Variants in HNRNPC observed in about 807,000 individuals in gnomAD.
HNRNPC encodes heterogeneous nuclear ribonucleoprotein C, also known as heterogeneous nuclear ribonucleoproteins C1/C2.
In HNRNPC, 3 loss-of-function variants were observed where a neutral mutation model predicts 33.2. That is an observed-to-expected ratio of 0.09 (90% confidence interval 0.04 to 0.23). The LOEUF (loss-of-function observed/expected upper bound fraction) is 0.23, where lower values mean the gene tolerates loss of function less well. Among genes scored for constraint, HNRNPC ranks in the 10% least tolerant of loss-of-function variants. HNRNPC has a pLI of 1.00. For synonymous variants in HNRNPC, 121 were observed against 126.7 expected (o/e 0.96, Z 0.30); for missense variants, 143 against 366.7 (o/e 0.39, Z 4.98).
At chr14:21,246,562 G>A (rs972277981) in intron 2 of HNRNPC, among the ~76,000 whole-genome samples, 3 of 139,752 alleles carry the variant, frequency 2.1e-5, no homozygotes, top group Non-Finnish European at 3.0e-5. Flanking sequence ...GTGAGACTCC[G>A]TCTCAAAAAA....
At position 21,217,417 on chromosome 14, in the gene HNRNPC, A is replaced by AT. The variant is rs1459671912; in HGVS notation, c.366-4301dup. Among the ~76,000 whole-genome samples the AT allele has an allele frequency of 2.0e-5, 3 of 152,374 alleles. No individual in the cohort carries two copies. The South Asian group carries it at 6.2e-4, about 32-fold the overall frequency. On this transcript the variant is annotated intron_variant, in intron 5 of 8. Transcript: ENST00000553300. Reference sequence around the variant, plus strand: ...TAAAACGACTAAATGGTAAACCAGTATGCTCATTTGCTCACCACTGGAGCT... The same window carrying AT: ...TAAAACGACTAAATGGTAAACCAGTATTGCTCATTTGCTCACCACTGGAGCT...
At chr14:21,232,930 G>A (rs916116855) in intron 3 of HNRNPC, among the ~76,000 whole-genome samples, 5 of 152,008 alleles carry the variant, frequency 3.3e-5, no homozygotes, top group African/African-American at 9.7e-5. Flanking sequence ...CCAGCTACTC[G>A]GGAGGCTGAA....
In HNRNPC at chr14:21,233,863, C is replaced by T. The variant is rs1177762464; in HGVS notation, c.241+90G>A. 4 of 1,444,070 alleles carry T rather than the reference C, an allele frequency of 2.8e-6. No homozygotes were observed. The African/African-American group carries it at 5.7e-5, about 21-fold the overall frequency. 89.5% of individuals were successfully genotyped at this position (1,444,070 alleles called of 1,614,324 possible). ...GTCGCAATATCCAGAATATCTCATGCTGTCAGTTTTACAGACATAAAGACA... is the reference window on the plus strand; with the variant it reads ...GTCGCAATATCCAGAATATCTCATGTTGTCAGTTTTACAGACATAAAGACA... On this transcript the variant is annotated intron_variant, in intron 3 of 8. Transcript: ENST00000553300.
chr14:21,218,681 CAAAAAAAAAAAAAAAA>C, intron 5 of HNRNPC, among the ~76,000 whole-genome samples: 1 of 51,254 alleles, frequency 2.0e-5, no homozygotes, highest in South Asian at 7.6e-4. Flanking sequence ...AACTCTCTCT[CAAAAAAAAAAAAAAAA>C]AAAAAAAAAA....
chr14:21,264,135 C>T (rs1416531023), intron 1 of HNRNPC: 1 of 151,998 alleles, frequency 6.6e-6, no homozygotes, highest in Non-Finnish European at 1.5e-5. Context: ...ACAGAAAAAC[C>T]GGGCCAACAA....
Position 21,251,677 on chromosome 14 carries a change from C to CAA in HNRNPC, c.-37+11632_-37+11633dup, listed in dbSNP as rs369079843. Among the ~76,000 whole-genome samples the CAA allele has an allele frequency of 1.5e-3, 214 of 145,730 alleles. 3 individuals carry two copies. Among genetic ancestry groups the CAA allele is most frequent in the South Asian group, 6.5e-4 (3 of 4,600 alleles). ...AGCCTGGGCAACAGAGACTCCGTCTCAAAAAAAAAAGACACACGTATTAGG... is the reference window on the plus strand; with the variant it reads ...AGCCTGGGCAACAGAGACTCCGTCTCAAAAAAAAAAAAGACACACGTATTAGG... On this transcript the variant is annotated intron_variant, in intron 2 of 8. Transcript: ENST00000553300.
chr14:21,245,020 C>T (rs1265189188), intron 2 of HNRNPC, among the ~76,000 whole-genome samples: 3 of 140,574 alleles, frequency 2.1e-5, no homozygotes, highest in African/African-American at 8.1e-5. Context: ...CGGAGGCAGA[C>T]GTAGCACTGA....
chr14:21,220,341 T>C (rs1892686373), intron 5 of HNRNPC, among the ~76,000 whole-genome samples: 1 of 151,342 alleles, frequency 6.6e-6, no homozygotes, highest in Admixed American at 6.6e-5. Flanking sequence ...TGCATTCAAG[T>C]GATTCTCCTG....
chr14:21,212,024 C>A (rs1312872357), intron 6 of HNRNPC, 101 bp from the exon 7 acceptor site: 2 of 891,306 alleles, frequency 2.2e-6, no homozygotes, highest in Non-Finnish European at 3.6e-6. Context: ...ACAGGAGATA[C>A]CCAGGGAGAA....
intron 2 of HNRNPC, among the ~76,000 whole-genome samples, chr14:21,251,777 C>G (rs1251145557): frequency 2.0e-5 from 3 of 152,078 alleles, no homozygotes; most frequent in Non-Finnish European, 4.4e-5. Context: ...GTTACCACAT[C>G]AAATATTTCT....
chr14:21,212,476 T>C (rs921424374), intron 6 of HNRNPC, among the ~76,000 whole-genome samples: 1 of 152,178 alleles, frequency 6.6e-6, no homozygotes, highest in South Asian at 2.1e-4. Context: ...TGACATTTTT[T>C]AAATTACCTA....
In HNRNPC at chr14:21,231,339, A is replaced by C. The variant is rs759810886; in HGVS notation, c.242-267T>G. ...GTTTAGAAAATCACACAGACACATA[A>C]ATTAGAAAATGTGGAACAAAACAAC... On this transcript the variant is annotated intron_variant, in intron 3 of 8. Transcript: ENST00000553300. The C allele has an allele frequency of 1.1e-5, 6 of 554,518 alleles. No individual in the cohort carries two copies. In the East Asian group the frequency reaches 2.7e-4, roughly 25 times the overall value. 34.3% of individuals were successfully genotyped at this position (554,518 alleles called of 1,614,324 possible). A position where few individuals can be genotyped will look rare whatever the true frequency, so the allele number is the denominator to read the frequency against.
intron 3 of HNRNPC, among the ~76,000 whole-genome samples, chr14:21,233,419 G>T (rs574339601): frequency 6.6e-6 from 1 of 152,058 alleles, no homozygotes; most frequent in African/African-American, 2.4e-5. Context: ...GAGGCACAAG[G>T]TACACATAAA....
At chr14:21,258,148 T>C (rs1356315734) in intron 2 of HNRNPC, among the ~76,000 whole-genome samples, 1 of 152,152 alleles carries the variant, frequency 6.6e-6, no homozygotes, top group Non-Finnish European at 1.5e-5. Flanking sequence ...ATCCCAGCAC[T>C]TTGGGAAATC....
chr14:21,267,386 G>T (rs1879198320), intron 1 of HNRNPC, among the ~76,000 whole-genome samples: 1 of 152,058 alleles, frequency 6.6e-6, no homozygotes, highest in Non-Finnish European at 1.5e-5. Context: ...AGCTATTTTG[G>T]AGTTTATTCT....
intron 5 of HNRNPC, among the ~76,000 whole-genome samples, chr14:21,219,891 A>C (rs945119268): frequency 6.6e-6 from 1 of 151,476 alleles, no homozygotes; most frequent in African/African-American, 2.4e-5. Flanking sequence ...TGTAAATTCC[A>C]TAATTCCAGT....
intron 5 of HNRNPC, among the ~76,000 whole-genome samples, chr14:21,225,239 G>A (rs913563151): frequency 2.6e-5 from 4 of 151,614 alleles, no homozygotes; most frequent in Admixed American, 6.6e-5. Flanking sequence ...TGGCCAACAT[G>A]GTGAAACCCC....
intron 5 of HNRNPC, among the ~76,000 whole-genome samples, chr14:21,216,011 G>C (rs1160170321): frequency 6.6e-6 from 1 of 151,050 alleles, no homozygotes. Flanking sequence ...AGCTACGCAG[G>C]AGGCTGAGGC....
intron 5 of HNRNPC, among the ~76,000 whole-genome samples, chr14:21,223,488 C>T (rs1893073364): frequency 6.6e-6 from 1 of 152,136 alleles, no homozygotes; most frequent in Non-Finnish European, 1.5e-5. Context: ...ATAGCTCATG[C>T]CTATAATCCC....
Sources: allele counts gnomAD v4.1 joint callset (sites outside exome capture counted in the v4.1 genomes callset), GRCh38; gene constraint gnomAD v4.1.1; transcripts MANE v1.5; gene names NCBI Gene and HGNC (gene_info 2026-07-23, HGNC 2026-07-21).